KANK1: variants seen among roughly 807,000 people sequenced by gnomAD.
KANK1 encodes KN motif and ankyrin repeat domains 1.
Under a neutral mutation model 106.2 loss-of-function variants are expected in KANK1, and 109 were observed. That is an observed-to-expected ratio of 1.03 (90% CI 0.88 to 1.20). KANK1 has a LOEUF of 1.20. Among genes scored for constraint, KANK1 ranks in the 50% most tolerant of loss-of-function variants. The probability of loss-of-function intolerance (pLI) is 0.00; values close to 1 mark genes in which losing one functional copy is unlikely to be tolerated. For synonymous variants in KANK1, 873 were observed against 652.2 expected (o/e 1.34, Z -5.16); for missense variants, 2,399 against 1,710.7 (o/e 1.40, Z -7.10).
intron 1 of KANK1, among the ~76,000 whole-genome samples, chr9:533,854 A>G (rs528402369): frequency 1.3e-5 from 2 of 152,212 alleles, no homozygotes; most frequent in Non-Finnish European, 2.9e-5. Context: ...AGTTGCCTCT[A>G]AGCCATGCCT....
At chr9:653,115 C>G (rs1181023540) in intron 1 of KANK1, among the ~76,000 whole-genome samples, 1 of 152,146 alleles carries the variant, frequency 6.6e-6, no homozygotes. Flanking sequence ...TCAAGGAAGC[C>G]TTGTGTTCCC....
intron 1 of KANK1, among the ~76,000 whole-genome samples, chr9:599,170 C>A (rs143130990): frequency 6.6e-6 from 1 of 150,888 alleles, no homozygotes; most frequent in Non-Finnish European, 1.5e-5. Context: ...AGGCACACAC[C>A]ACCATGCTTG....
intron 3 of KANK1, among the ~76,000 whole-genome samples, chr9:725,275 T>A (rs778211714): frequency 6.6e-6 from 1 of 152,092 alleles, no homozygotes; most frequent in Non-Finnish European, 1.5e-5. Context: ...GTGATATCCC[T>A]TGAGGTCAGG....
intron 6 of KANK1, chr9:734,434 G>C (rs1833190993): frequency 4.0e-6 from 1 of 249,252 alleles, no homozygotes. Flanking sequence ...GGGAGGCCGA[G>C]GCAGGTGGAT....
In KANK1 at chr9:504,709, C is replaced by G. The variant is rs551115081; in HGVS notation, c.-129C>G. The G allele has an allele frequency of 1.3e-5, 2 of 148,650 alleles. No individual in the cohort carries two copies. The highest frequency in any genetic ancestry group is 4.9e-5 in the African/African-American group (2 of 40,882). 9.2% of individuals were successfully genotyped at this position (148,650 alleles called of 1,614,324 possible). A position where few individuals can be genotyped will look rare whatever the true frequency, so the allele number is the denominator to read the frequency against. On this transcript the variant is annotated 5_prime_UTR_variant, in exon 1 of 12. Coordinates refer to ENST00000382297, the MANE Select transcript of KANK1 (RefSeq NM_015158.5). ...CGCCCTTCCCCGAGCTCCGGGTCCG[C>G]GGCGGAGCGAGCGAGCGGCCGGCAG...
chr9:658,528 C>T (rs1387662826), intron 1 of KANK1, among the ~76,000 whole-genome samples: 1 of 151,888 alleles, frequency 6.6e-6, no homozygotes, highest in Non-Finnish European at 1.5e-5. Context: ...ATTTCTATGG[C>T]TCTTACTTTT....
At chr9:532,802 G>T (rs977018126) in intron 1 of KANK1, among the ~76,000 whole-genome samples, 2 of 152,138 alleles carry the variant, frequency 1.3e-5, no homozygotes, top group African/African-American at 2.4e-5. Flanking sequence ...TTTCTGGAGT[G>T]TGGATCGAAG....
At chr9:701,150 C>G (rs570837862) in intron 2 of KANK1, among the ~76,000 whole-genome samples, 2 of 152,190 alleles carry the variant, frequency 1.3e-5, no homozygotes, top group African/African-American at 4.8e-5. Flanking sequence ...GAGTTTCACT[C>G]TTGCCCAGGC....
chr9:632,571 A>G (rs1836000048), intron 1 of KANK1, among the ~76,000 whole-genome samples: 1 of 152,202 alleles, frequency 6.6e-6, no homozygotes, highest in Non-Finnish European at 1.5e-5. Flanking sequence ...TTGGACTGCC[A>G]AGGTGAGAGG....
At chr9:652,223 G>A (rs76673482) in intron 1 of KANK1, among the ~76,000 whole-genome samples, 27,599 of 152,032 alleles carry the variant, frequency 0.18, 2,755 homozygotes, top group East Asian at 0.32. Flanking sequence ...ACATTCATCA[G>A]AGTGTTTGCA....
chr9:741,003 CTGGCAGAGCAGGCATAGA>C, intron 9 of KANK1, 69 bp downstream of exon 9: 1 of 1,557,430 alleles, frequency 6.4e-7, no homozygotes, highest in Non-Finnish European at 8.7e-7. Context: ...GGTGGCCATT[CTGGCAGAGCAGGCATAGA>C]TGCCACGCTT....
intron 2 of KANK1, among the ~76,000 whole-genome samples, chr9:686,424 T>C (rs1342689029): frequency 3.9e-5 from 6 of 152,208 alleles, no homozygotes; most frequent in Admixed American, 3.9e-4. Flanking sequence ...ATGCAGCATG[T>C]ACCCCAACCG....
At chr9:740,705 T>C in intron 8 of KANK1, 87 bp from the exon 9 acceptor site, 1 of 1,432,220 alleles carries the variant, frequency 7.0e-7, no homozygotes, top group Non-Finnish European at 9.5e-7. Flanking sequence ...TGGGCTCCTG[T>C]AAACACCATC....
At chr9:630,904 G>A (rs761449339) in intron 1 of KANK1, among the ~76,000 whole-genome samples, 7 of 152,174 alleles carry the variant, frequency 4.6e-5, no homozygotes, top group African/African-American at 1.4e-4. Context: ...GTAATGAGCC[G>A]AGATCATGCC....
At chr9:623,596 T>C (rs1287885882) in intron 1 of KANK1, among the ~76,000 whole-genome samples, 5 of 144,802 alleles carry the variant, frequency 3.5e-5, no homozygotes, top group African/African-American at 1.0e-4. Context: ...CAGAGTGAGA[T>C]TGTGTCTCAA....
intron 1 of KANK1, among the ~76,000 whole-genome samples, chr9:572,538 C>A (rs1477919816): frequency 1.3e-5 from 2 of 151,312 alleles, no homozygotes; most frequent in Admixed American, 6.6e-5. Flanking sequence ...AGTGACAGAG[C>A]GAGACTCCAT....
chr9:744,070 C>A (rs180844457), intron 10 of KANK1, among the ~76,000 whole-genome samples: 2 of 152,084 alleles, frequency 1.3e-5, no homozygotes, highest in Non-Finnish European at 2.9e-5. Flanking sequence ...AGCCTTAAAC[C>A]GAGGTGGTTT....
At chr9:636,844 A>C (rs1203739933) in intron 1 of KANK1, among the ~76,000 whole-genome samples, 3 of 152,192 alleles carry the variant, frequency 2.0e-5, no homozygotes, top group Non-Finnish European at 2.9e-5. Flanking sequence ...CAGCCAGGCG[A>C]CAGCGCGAGA....
chr9:682,747 G>C (rs1462765795), intron 2 of KANK1, among the ~76,000 whole-genome samples: 1 of 152,124 alleles, frequency 6.6e-6, no homozygotes, highest in Admixed American at 6.5e-5. Context: ...TTTAGTAACT[G>C]TTGTGGGGCT....
Sources: gnomAD v4.1 joint callset for allele counts (sites outside exome capture counted in the v4.1 genomes callset) on GRCh38, gnomAD v4.1.1 for gene constraint, MANE v1.5 for transcripts, NCBI Gene and HGNC (gene_info 2026-07-23, HGNC 2026-07-21) for gene names.